The following USP32 variants were observed in gnomAD, a reference collection of about 807,000 sequenced individuals.
The protein encoded by USP32 is ubiquitin carboxyl-terminal hydrolase 32.
In USP32, 59 loss-of-function variants were observed where a neutral mutation model predicts 204.8. The ratio of observed to expected loss-of-function variants is 0.29; its 90% CI spans 0.23 to 0.36. The LOEUF (loss-of-function observed/expected upper bound fraction) is 0.36, where lower values mean the gene tolerates loss of function less well. Ranked by LOEUF, USP32 falls within the 10% of genes least tolerant of loss-of-function variation. USP32 has a pLI of 1.00. For missense variants in USP32, 1,160 were observed against 1,946.4 expected (o/e 0.60, Z 7.60); for synonymous variants, 517 against 678.4 (o/e 0.76, Z 3.70).
intron 5 of USP32, among the ~76,000 whole-genome samples, chr17:60,279,334 A>G (rs887057894): frequency 1.3e-5 from 2 of 151,390 alleles, no homozygotes; most frequent in Non-Finnish European, 2.9e-5. Flanking sequence ...TAATTTTTAG[A>G]AATTAGCCGG....
chr17:60,282,205 A>G (rs1480333998), intron 5 of USP32, among the ~76,000 whole-genome samples: 1 of 152,226 alleles, frequency 6.6e-6, no homozygotes, highest in Non-Finnish European at 1.5e-5. Flanking sequence ...CTGACTCTTC[A>G]TGTGCCTAAA....
chr17:60,313,599 C>T lies in USP32; in HGVS notation c.187-11895G>A, dbSNP rs79935942. Among the ~76,000 whole-genome samples the T allele has an allele frequency of 8.6e-3, 1,303 of 151,890 alleles. 5 individuals are homozygous for T. Among genetic ancestry groups the T allele is most frequent in the Middle Eastern group, 0.021 (6 of 292 alleles). On this transcript the variant is annotated intron_variant, in intron 2 of 33. Coordinates refer to ENST00000300896, the MANE Select transcript of USP32 (RefSeq NM_032582.4). Reference sequence around the variant, plus strand: ...GAAACAACTACCAGGGATTAGAAAGCGGAATAGTACCCAAAGCTCACATTG... The same window carrying T: ...GAAACAACTACCAGGGATTAGAAAGTGGAATAGTACCCAAAGCTCACATTG...
At chr17:60,283,865 T>C (rs886262994) in intron 5 of USP32, among the ~76,000 whole-genome samples, 2 of 152,072 alleles carry the variant, frequency 1.3e-5, no homozygotes, top group Non-Finnish European at 2.9e-5. Context: ...AGGTGAAGCA[T>C]GGAAATGGCT....
chr17:60,414,943 C>T (rs1280193034), intron 1 of USP32, among the ~76,000 whole-genome samples: 2 of 151,854 alleles, frequency 1.3e-5, no homozygotes, highest in African/African-American at 4.8e-5. Context: ...CTACGGTCTC[C>T]CGGGTTCAAG....
At chr17:60,369,751 ATTTTT>A (rs747374214) in intron 1 of USP32, among the ~76,000 whole-genome samples, 2 of 151,496 alleles carry the variant, frequency 1.3e-5, no homozygotes, top group African/African-American at 2.4e-5. Context: ...CTACACAATG[ATTTTT>A]TTTTAAGAGA....
chr17:60,226,074 G>A lies in USP32; in HGVS notation c.1397C>T (p.Ser466Phe). Residue 466 changes from serine (S) to phenylalanine (F), a missense_variant, in exon 13 of 34, where the codon TCT becomes TTT. Transcript: ENST00000300896. ...TTEEKFSDNI[S>F]TASEASETAG... ...AGTTTCTGAGGCTTCAGATGCAGTA[G>A]AAATGTTGTCTGAAAATTTCTCTTC... The A allele has an allele frequency of 1.2e-6, 2 of 1,606,290 alleles. No individual in the cohort carries two copies. The highest frequency in any genetic ancestry group is 1.7e-6 in the Non-Finnish European group (2 of 1,177,376).
At chr17:60,381,222 T>C (rs943415033) in intron 1 of USP32, among the ~76,000 whole-genome samples, 10 of 152,090 alleles carry the variant, frequency 6.6e-5, no homozygotes, top group African/African-American at 2.4e-4. Flanking sequence ...GAAGATTGCC[T>C]GAGTTCAGGA....
intron 1 of USP32, among the ~76,000 whole-genome samples, chr17:60,400,301 G>T (rs77201739): frequency 6.6e-6 from 1 of 152,138 alleles, no homozygotes; most frequent in African/African-American, 2.4e-5. Flanking sequence ...TGACTGCTGT[G>T]TTGAAAGTGG....
At chr17:60,295,318 T>C (rs981464155) in intron 3 of USP32, among the ~76,000 whole-genome samples, 1 of 150,692 alleles carries the variant, frequency 6.6e-6, no homozygotes, top group Non-Finnish European at 1.5e-5. Flanking sequence ...TACATAGAAG[T>C]TAAAATATGT....
chr17:60,384,968 G>A (rs908491290), intron 1 of USP32, among the ~76,000 whole-genome samples: 1 of 152,106 alleles, frequency 6.6e-6, no homozygotes, highest in Non-Finnish European at 1.5e-5. Context: ...AATTAGCCAG[G>A]TGTTGTCAGG....
chr17:60,359,019 C>T (rs1232199999), intron 1 of USP32, among the ~76,000 whole-genome samples: 1 of 152,192 alleles, frequency 6.6e-6, no homozygotes, highest in Admixed American at 6.5e-5. Context: ...ACTTCTCATT[C>T]CCTAACCACA....
intron 9 of USP32, among the ~76,000 whole-genome samples, chr17:60,261,747 T>G (rs969672360): frequency 6.6e-6 from 1 of 152,218 alleles, no homozygotes; most frequent in African/African-American, 2.4e-5. Context: ...TAAGAACCTT[T>G]TATATCTAAC....
At chr17:60,333,862 G>A (rs1458990833) in intron 2 of USP32, among the ~76,000 whole-genome samples, 1 of 152,190 alleles carries the variant, frequency 6.6e-6, no homozygotes, top group Non-Finnish European at 1.5e-5. Context: ...AACCACAGCT[G>A]CAGACCTCAA....
intron 12 of USP32, among the ~76,000 whole-genome samples, chr17:60,233,147 A>G (rs1050477080): frequency 6.6e-6 from 1 of 152,190 alleles, no homozygotes; most frequent in Non-Finnish European, 1.5e-5. Context: ...ATAGCTACCT[A>G]TTTAGTACTT....
rs541884080 is a variant in USP32 at position 60,284,365 on chromosome 17, C to G, written c.571+4158G>C. Among the ~76,000 whole-genome samples, 21 of 151,844 alleles carry G rather than the reference C, an allele frequency of 1.4e-4. No individual in the cohort carries two copies. In the South Asian group the frequency reaches 4.2e-3, roughly 30 times the overall value. On this transcript the variant is annotated intron_variant, in intron 5 of 33. Transcript: ENST00000300896. Reference sequence around the variant, plus strand: ...AGTAGCTGGGACTACAGGGGTCTGCCACCATGGTTGGCTAATTTTTGTATT... The same window carrying G: ...AGTAGCTGGGACTACAGGGGTCTGCGACCATGGTTGGCTAATTTTTGTATT...
chr17:60,208,246 C>T (rs760256168), intron 23 of USP32, 36 bp from the exon 24 acceptor site: 2 of 1,554,040 alleles, frequency 1.3e-6, no homozygotes, highest in South Asian at 2.4e-5. Context: ...TGGTAAAATG[C>T]AGGTTTCATT....
intron 1 of USP32, among the ~76,000 whole-genome samples, chr17:60,365,539 A>G (rs1229344605): frequency 6.6e-6 from 1 of 151,110 alleles, no homozygotes; most frequent in African/African-American, 2.5e-5. Context: ...TTAAAGTTGA[A>G]TTTAACTTTC....
intron 2 of USP32, among the ~76,000 whole-genome samples, chr17:60,319,447 G>C (rs982302740): frequency 6.6e-6 from 1 of 152,004 alleles, no homozygotes; most frequent in Non-Finnish European, 1.5e-5. Context: ...AGAATATTCA[G>C]ATAATAAATA....
chr17:60,392,522 G>T (rs1434683940), upstream of USP32: 8 of 345,806 alleles, frequency 2.3e-5, no homozygotes, highest in South Asian at 1.6e-4. Flanking sequence ...CGTTCGGCGG[G>T]TGGGGTCCGA....
Sources: gnomAD v4.1 joint callset for allele counts (sites outside exome capture counted in the v4.1 genomes callset) on GRCh38, gnomAD v4.1.1 for gene constraint, MANE v1.5 for transcripts, NCBI Gene and HGNC (gene_info 2026-07-23, HGNC 2026-07-21) for gene names.